The following DACH1 variants were observed in gnomAD, a reference collection of about 807,000 sequenced individuals.
DACH1 encodes the protein dachshund homolog 1.
Under a neutral mutation model 54.2 loss-of-function variants are expected in DACH1, and 12 were observed. The ratio of observed to expected loss-of-function variants is 0.22; its 90% CI spans 0.14 to 0.36. The LOEUF (loss-of-function observed/expected upper bound fraction) is 0.36. Among genes scored for constraint, DACH1 ranks in the 10% least tolerant of loss-of-function variants. The pLI is 1.00. For missense variants in DACH1, 805 were observed against 929.8 expected (o/e 0.87, Z 1.75); for synonymous variants, 386 against 366.2 (o/e 1.05, Z -0.62).
intron 6 of DACH1, among the ~76,000 whole-genome samples, chr13:71,554,214 T>C (rs550597165): frequency 3.3e-5 from 5 of 152,148 alleles, no homozygotes; most frequent in African/African-American, 1.2e-4. Flanking sequence ...TAATTCACTA[T>C]ATTAAAAACT....
intron 10 of DACH1, among the ~76,000 whole-genome samples, chr13:71,456,810 G>A (rs1270264547): frequency 1.3e-5 from 2 of 151,940 alleles, no homozygotes; most frequent in South Asian, 2.1e-4. Flanking sequence ...TGGTAGCATC[G>A]TGGTGCCTGT....
chr13:71,498,192 GTCTTAACT>G (rs1049804114), intron 6 of DACH1, among the ~76,000 whole-genome samples: 3 of 152,184 alleles, frequency 2.0e-5, no homozygotes, highest in Non-Finnish European at 4.4e-5. Flanking sequence ...ATATCAGTGA[GTCTTAACT>G]TTTGAATAGT....
chr13:71,763,523 A>G (rs1205201506), intron 1 of DACH1, among the ~76,000 whole-genome samples: 1 of 134,422 alleles, frequency 7.4e-6, no homozygotes, highest in East Asian at 2.7e-4. Context: ...ATCTTATCAA[A>G]GCTCTTCCCT....
At chr13:71,843,456 G>A (rs908986690) in intron 1 of DACH1, among the ~76,000 whole-genome samples, 4 of 151,904 alleles carry the variant, frequency 2.6e-5, no homozygotes, top group South Asian at 2.1e-4. Context: ...ATAGAAACAC[G>A]GCTTCACCAT....
intron 1 of DACH1, among the ~76,000 whole-genome samples, chr13:71,806,674 C>T (rs2138139646): frequency 6.6e-6 from 1 of 152,234 alleles, no homozygotes; most frequent in Admixed American, 6.5e-5. Context: ...ATTTCCTGAA[C>T]AGATTTCTCA....
intron 1 of DACH1, among the ~76,000 whole-genome samples, chr13:71,735,735 T>C (rs1422209585): frequency 1.3e-5 from 2 of 151,960 alleles, no homozygotes; most frequent in African/African-American, 4.8e-5. Context: ...ATTTCTCTTA[T>C]TCTAGAAGTA....
At chr13:71,624,337 G>C (rs1195868114) in intron 3 of DACH1, among the ~76,000 whole-genome samples, 1 of 151,880 alleles carries the variant, frequency 6.6e-6, no homozygotes, top group Non-Finnish European at 1.5e-5. Flanking sequence ...TTTGTGAAAA[G>C]ATTTATATTT....
chr13:71,442,143 A>G (rs139850723), intron 10 of DACH1, among the ~76,000 whole-genome samples: 2 of 151,832 alleles, frequency 1.3e-5, no homozygotes, highest in Non-Finnish European at 2.9e-5. Flanking sequence ...CATTCATCCT[A>G]TTTTTTTGAA....
chr13:71,528,902 T>G (rs1882205326), intron 6 of DACH1, among the ~76,000 whole-genome samples: 1 of 152,112 alleles, frequency 6.6e-6, no homozygotes, highest in Admixed American at 6.6e-5. Context: ...ATAGGCAAAT[T>G]AGTATCATTA....
chr13:71,708,993 C>T (rs904122976), intron 1 of DACH1, among the ~76,000 whole-genome samples: 1 of 151,566 alleles, frequency 6.6e-6, no homozygotes, highest in Non-Finnish European at 1.5e-5. Context: ...GCTGGGACTA[C>T]AGGCGCCCGC....
intron 7 of DACH1, among the ~76,000 whole-genome samples, chr13:71,482,796 T>C (rs1371130931): frequency 7.2e-6 from 1 of 139,504 alleles, no homozygotes; most frequent in African/African-American, 2.8e-5. Flanking sequence ...ACTGACAGTT[T>C]TTTTTTTTTT....
At chr13:71,714,005 G>A (rs1258724444) in intron 1 of DACH1, among the ~76,000 whole-genome samples, 1 of 151,884 alleles carries the variant, frequency 6.6e-6, no homozygotes, top group Non-Finnish European at 1.5e-5. Context: ...ATTACTTGAA[G>A]CTCTCTCAAA....
At chr13:71,848,932 A>G (rs1873477852) in intron 1 of DACH1, among the ~76,000 whole-genome samples, 1 of 152,178 alleles carries the variant, frequency 6.6e-6, no homozygotes. Context: ...AGTTATCTCC[A>G]TTATTCCCAC....
intron 10 of DACH1, among the ~76,000 whole-genome samples, chr13:71,469,175 C>T (rs1309871618): frequency 6.6e-6 from 1 of 152,110 alleles, no homozygotes; most frequent in African/African-American, 2.4e-5. Flanking sequence ...ATCAGTCATT[C>T]TGATCTTAGG....
intron 1 of DACH1, among the ~76,000 whole-genome samples, chr13:71,854,840 A>T (rs1873898896): frequency 6.6e-6 from 1 of 152,082 alleles, no homozygotes; most frequent in African/African-American, 2.4e-5. Context: ...TAAATATGGC[A>T]TCAGGTGATA....
At chr13:71,485,074 A>AG (rs1056117823) in intron 7 of DACH1, among the ~76,000 whole-genome samples, 3 of 151,770 alleles carry the variant, frequency 2.0e-5, no homozygotes, top group Non-Finnish European at 2.9e-5. Flanking sequence ...AAAAAAAAAA[A>AG]GAAAAAAGAG....
intron 2 of DACH1, among the ~76,000 whole-genome samples, chr13:71,637,185 G>A (rs1440084760): frequency 3.9e-5 from 6 of 152,056 alleles, no homozygotes; most frequent in African/African-American, 7.2e-5. Flanking sequence ...ATGGCGCAGC[G>A]AGTTATATAA....
Position 71,706,060 on chromosome 13 carries a change from C to T in DACH1, c.849-24150G>A, listed in dbSNP as rs1381803008. Among the ~76,000 whole-genome samples, 16 of 152,048 alleles carry T rather than the reference C, an allele frequency of 1.1e-4. No homozygotes were observed. In the East Asian group the frequency reaches 1.4e-3, roughly 13 times the overall value. The stretch of plus-strand genomic sequence containing the variant: ...TCAAAACCTTGTCATCATAAATATT[C>T]TCTACCTTTACCACCAGCTTCAAGT... On this transcript the variant is annotated intron_variant, in intron 1 of 10. Coordinates refer to ENST00000613252, the MANE Select transcript of DACH1 (RefSeq NM_080759.6).
chr13:71,807,798 C>A (rs980098259), intron 1 of DACH1, among the ~76,000 whole-genome samples: 2 of 152,024 alleles, frequency 1.3e-5, no homozygotes, highest in African/African-American at 4.8e-5. Context: ...TTAGCAATAT[C>A]TCTCACTTCA....
Sources: gnomAD v4.1 joint callset for allele counts (sites outside exome capture counted in the v4.1 genomes callset) on GRCh38, gnomAD v4.1.1 for gene constraint, MANE v1.5 for transcripts, NCBI Gene and HGNC (gene_info 2026-07-23, HGNC 2026-07-21) for gene names.